ASTN2: variants seen among roughly 807,000 people sequenced by gnomAD.
ASTN2 encodes the protein astrotactin 2.
ASTN2 carries 54 observed loss-of-function variants against 139.8 expected under a neutral mutation model. That is an observed-to-expected ratio of 0.39 (90% CI 0.31 to 0.48). The LOEUF (loss-of-function observed/expected upper bound fraction) is 0.48. Among genes scored for constraint, ASTN2 ranks in the 20% least tolerant of loss-of-function variants. The pLI is 0.95. For synonymous variants in ASTN2, 756 were observed against 719.5 expected, an observed-to-expected ratio of 1.05 and a Z score of -0.81; for missense variants, 1,565 against 1,725.1, an observed-to-expected ratio of 0.91 and a Z score of 1.64.
chr9:117,327,288 C>T (rs963849397), intron 1 of ASTN2, among the ~76,000 whole-genome samples: 2 of 152,118 alleles, frequency 1.3e-5, no homozygotes, highest in African/African-American at 4.8e-5. Context: ...CTCCCAACAC[C>T]GACAATTGAG....
intron 10 of ASTN2, among the ~76,000 whole-genome samples, chr9:116,914,528 G>A (rs900082711): frequency 3.0e-4 from 45 of 150,322 alleles, no homozygotes; most frequent in Admixed American, 6.6e-5. Context: ...CCTACTCTGT[G>A]CCAGACACTG....
chr9:116,867,869 A>T (rs9696212), intron 10 of ASTN2, among the ~76,000 whole-genome samples: 1 of 152,032 alleles, frequency 6.6e-6, no homozygotes, highest in Non-Finnish European at 1.5e-5. Context: ...AGGAAAAAAA[A>T]GCTTAAAGCA....
chr9:117,312,449 T>C (rs1828003674), intron 1 of ASTN2, among the ~76,000 whole-genome samples: 1 of 152,316 alleles, frequency 6.6e-6, no homozygotes, highest in South Asian at 2.1e-4. Flanking sequence ...TGTCAAGGAA[T>C]TGCTTTGCTT....
chr9:117,097,978 A>G (rs760955831), intron 4 of ASTN2, among the ~76,000 whole-genome samples: 1 of 152,210 alleles, frequency 6.6e-6, no homozygotes, highest in Non-Finnish European at 1.5e-5. Flanking sequence ...TGGTGTAATT[A>G]ACAAACTAGA....
intron 19 of ASTN2, among the ~76,000 whole-genome samples, chr9:116,507,608 G>T (rs910947346): frequency 2.6e-5 from 4 of 152,106 alleles, no homozygotes; most frequent in African/African-American, 9.7e-5. Context: ...CTGGTGCCTC[G>T]TGGGTATTCA....
intron 20 of ASTN2, among the ~76,000 whole-genome samples, chr9:116,469,200 A>T (rs1435120682): frequency 6.6e-6 from 1 of 152,160 alleles, no homozygotes; most frequent in Admixed American, 6.5e-5. Context: ...GTTAATAGGG[A>T]GGGTGTCACA....
rs143979407 is a variant in ASTN2, at chr9:116,511,195, G to A, written c.3356-23695C>T. 1.4e-4 allele frequency among the ~76,000 whole-genome samples: 21 copies of A among 152,280 alleles called. No homozygotes were observed. The East Asian group carries it at 3.5e-3, about 25-fold the overall frequency. ...ACGTCCGATCAATACCTAACTTATT[G>A]AGAGTTTTTAGCATGAAGGGTTGTT... On this transcript the variant is annotated intron_variant, in intron 19 of 22. Coordinates refer to ENST00000313400, the MANE Select transcript of ASTN2 (RefSeq NM_001365068.1).
At chr9:116,880,558 C>T (rs983422875) in intron 10 of ASTN2, among the ~76,000 whole-genome samples, 1 of 152,124 alleles carries the variant, frequency 6.6e-6, no homozygotes. Flanking sequence ...GCGCAAATGA[C>T]CTCCCACCTC....
chr9:117,092,597 T>C (rs1828733343), intron 5 of ASTN2, among the ~76,000 whole-genome samples: 1 of 152,214 alleles, frequency 6.6e-6, no homozygotes, highest in African/African-American at 2.4e-5. Flanking sequence ...ATTTTTCAGA[T>C]AGACCTGAAA....
At chr9:117,210,083 T>C (rs963050321) in intron 3 of ASTN2, among the ~76,000 whole-genome samples, 8 of 152,022 alleles carry the variant, frequency 5.3e-5, no homozygotes, top group Non-Finnish European at 1.0e-4. Context: ...TTTATAGTAA[T>C]AAATGCTTAT....
At position 117,214,392 on chromosome 9, in the gene ASTN2, A is replaced by T. The variant is rs1832240143; in HGVS notation, c.981T>A (p.His327Gln). Residue 327 changes from histidine to glutamine, a missense_variant, in exon 3 of 23, where the codon CAT (histidine) becomes CAA (glutamine). By Grantham distance (24) the His-to-Gln change is conservative (BLOSUM62 0). Around this residue, in one of 4 missense-constraint regions of ASTN2, gnomAD observed 596 missense variants for 576.8 expected, o/e 1.03. Coordinates refer to ENST00000313400, the MANE Select transcript of ASTN2 (RefSeq NM_001365068.1). ...CAAAGTCCACCTTCTCTTCCCCTGGATGTCCCAGACTGTCCAGAGTGTGGG... is the reference window on the plus strand; with the variant it reads ...CAAAGTCCACCTTCTCTTCCCCTGGTTGTCCCAGACTGTCCAGAGTGTGGG... ...QVTHTLDSLG[H>Q]PGEEKVDFEK... The T allele has an allele frequency of 3.1e-6, 5 of 1,596,580 alleles. No homozygotes were observed. Among genetic ancestry groups the T allele is most frequent in the Non-Finnish European group, 4.3e-6 (5 of 1,165,962 alleles).
At chr9:116,967,179 C>A (rs1257404442) in intron 10 of ASTN2, among the ~76,000 whole-genome samples, 1 of 152,154 alleles carries the variant, frequency 6.6e-6, no homozygotes, top group Non-Finnish European at 1.5e-5. Context: ...GTATTGATGA[C>A]TATGGGGCTA....
chr9:117,031,001 T>C (rs1233264183), intron 6 of ASTN2, among the ~76,000 whole-genome samples: 2 of 152,174 alleles, frequency 1.3e-5, no homozygotes, highest in Non-Finnish European at 2.9e-5. Flanking sequence ...TTCTCCCTGA[T>C]TTCAGCATAT....
At chr9:116,843,087 G>A (rs1832311574) in intron 11 of ASTN2, among the ~76,000 whole-genome samples, 1 of 152,150 alleles carries the variant, frequency 6.6e-6, no homozygotes, top group Admixed American at 6.5e-5. Flanking sequence ...TCCCATTACT[G>A]GGTATACATC....
At chr9:117,157,997 G>A (rs1234980236) in intron 3 of ASTN2, among the ~76,000 whole-genome samples, 1 of 152,070 alleles carries the variant, frequency 6.6e-6, no homozygotes, top group African/African-American at 2.4e-5. Flanking sequence ...CACATGGCAT[G>A]TATTGGCATT....
At chr9:117,377,684 A>G (rs1830160716) in intron 1 of ASTN2, among the ~76,000 whole-genome samples, 1 of 151,192 alleles carries the variant, frequency 6.6e-6, no homozygotes, top group African/African-American at 2.4e-5. Flanking sequence ...AAAAAAGTTC[A>G]CTGTAGCATA....
At chr9:117,242,592 T>A (rs1183354164) in intron 2 of ASTN2, among the ~76,000 whole-genome samples, 1 of 152,206 alleles carries the variant, frequency 6.6e-6, no homozygotes, top group Admixed American at 6.5e-5. Context: ...CATATACATA[T>A]GGGTGGCCTT....
At chr9:117,120,358 C>T (rs1829527004) in intron 4 of ASTN2, among the ~76,000 whole-genome samples, 1 of 152,040 alleles carries the variant, frequency 6.6e-6, no homozygotes, top group African/African-American at 2.4e-5. Flanking sequence ...AAAGGAGAGC[C>T]TGGGTGCCCA....
At chr9:116,597,264 G>A (rs1459129220) in intron 19 of ASTN2, among the ~76,000 whole-genome samples, 7 of 140,110 alleles carry the variant, frequency 5.0e-5, no homozygotes. Context: ...AATGGTCAAT[G>A]CTGAAGATAC....
Sources: allele counts gnomAD v4.1 joint callset (sites outside exome capture counted in the v4.1 genomes callset), GRCh38; gene constraint gnomAD v4.1.1; regional missense constraint gnomAD v4.1.1; transcripts MANE v1.5; gene names NCBI Gene and HGNC (gene_info 2026-07-23, HGNC 2026-07-21).